The following SAMMSON variants were observed in gnomAD, a reference collection of about 807,000 sequenced individuals.
SAMMSON encodes survival associated mitochondrial melanoma specific oncogenic non-coding RNA.
chr3:70,369,955 T>G (rs1292043926), intron 9 of SAMMSON, among the ~76,000 whole-genome samples: 1 of 151,878 alleles, frequency 6.6e-6, no homozygotes, highest in African/African-American at 2.4e-5. Flanking sequence ...CCAACCTCTC[T>G]TTATCCTTCC....
intron 2 of SAMMSON, among the ~76,000 whole-genome samples, chr3:70,426,055 C>T (rs1355602645): frequency 6.6e-6 from 1 of 152,184 alleles, no homozygotes; most frequent in Admixed American, 6.5e-5. Flanking sequence ...AAAGGTAGCA[C>T]ATGTGATGTT....
chr3:70,418,095 CTCAAGTATT>C (rs1701280176), intron 2 of SAMMSON, among the ~76,000 whole-genome samples: 1 of 152,222 alleles, frequency 6.6e-6, no homozygotes, highest in African/African-American at 2.4e-5. Context: ...GACCACTAAT[CTCAAGTATT>C]TCTGTCTTTG....
chr3:70,334,064 A>T (rs1702645137), intron 7 of SAMMSON, among the ~76,000 whole-genome samples: 1 of 152,200 alleles, frequency 6.6e-6, no homozygotes, highest in Non-Finnish European at 1.5e-5. Flanking sequence ...GTGCCTAGTT[A>T]AGCAGATTGA....
rs2067451154 is a variant in SAMMSON at position 70,125,075 on chromosome 3, C to A, written n.507+53510C>A. Reference sequence around the variant, plus strand: ...AACCTTTATTAATTTTTAACACTTTCTTTTTCCTTCCTTAGGATCTGGTTT... The same window carrying A: ...AACCTTTATTAATTTTTAACACTTTATTTTTCCTTCCTTAGGATCTGGTTT... On this transcript the variant is annotated intron_variant and non_coding_transcript_variant, in intron 4 of 9. Transcript: ENST00000642114. The A allele has an allele frequency of 4.4e-6, 4 of 903,628 alleles. No individual in the cohort carries two copies. The African/African-American group carries it at 6.6e-5, about 15-fold the overall frequency. 56.0% of individuals were successfully genotyped at this position (903,628 alleles called of 1,614,324 possible).
chr3:70,163,757 T>A (rs190079576), intron 4 of SAMMSON, among the ~76,000 whole-genome samples: 2 of 152,152 alleles, frequency 1.3e-5, no homozygotes, highest in African/African-American at 2.4e-5. Flanking sequence ...GAGCAGTGAC[T>A]TAGTAAAACA....
rs142702638 is a variant in SAMMSON at position 70,413,934 on chromosome 3, A to G, written n.234-48626A>G. Among the ~76,000 whole-genome samples the G allele has an allele frequency of 2.5e-3, 374 of 152,196 alleles. 3 individuals carry two copies. Among genetic ancestry groups the G allele is most frequent in the African/African-American group, 8.3e-3 (343 of 41,550 alleles). On this transcript the variant is annotated intron_variant and non_coding_transcript_variant, in intron 2 of 3. Transcript: ENST00000641053. ...TCTAAACAGTGTGCTTGAAGGCTCAATATTGTTTTCTAGCTAGTCCTTTTA... is the reference window on the plus strand; with the variant it reads ...TCTAAACAGTGTGCTTGAAGGCTCAGTATTGTTTTCTAGCTAGTCCTTTTA...
rs542870921 is a variant in SAMMSON, at chr3:70,045,163, AT to A, written n.418-26311del. On this transcript the variant is annotated intron_variant and non_coding_transcript_variant, in intron 3 of 9. Transcript: ENST00000642114. ...AATTTATATATATTAATTATAATAT[AT>A]TATAATTTATATATATCGTTAATTA... 2.5e-3 allele frequency among the ~76,000 whole-genome samples: 293 copies of A among 118,884 alleles called. 13 individuals carry two copies. In the East Asian group the frequency reaches 0.049, roughly 20 times the overall value. 78.0% of individuals were successfully genotyped at this position (118,884 alleles called of 152,430 possible).
chr3:70,226,003 A>G (rs934680654), intron 4 of SAMMSON, among the ~76,000 whole-genome samples: 1 of 152,124 alleles, frequency 6.6e-6, no homozygotes, highest in Non-Finnish European at 1.5e-5. Flanking sequence ...TAATTTTTCA[A>G]TTCCTCTCTA....
At chr3:70,317,072 C>T (rs1702500323) in intron 7 of SAMMSON, among the ~76,000 whole-genome samples, 1 of 151,902 alleles carries the variant, frequency 6.6e-6, no homozygotes, top group African/African-American at 2.4e-5. Context: ...AAATGTTGCT[C>T]CACTTCATGT....
intron 4 of SAMMSON, chr3:70,183,839 G>T (rs539990660): frequency 1.4e-4 from 21 of 152,190 alleles, no homozygotes; most frequent in Non-Finnish European, 2.1e-4. Context: ...TGAGAGCACA[G>T]ATATCTATTT....
intron 4 of SAMMSON, among the ~76,000 whole-genome samples, chr3:70,190,091 C>G (rs1315096070): frequency 6.6e-6 from 1 of 152,178 alleles, no homozygotes; most frequent in Non-Finnish European, 1.5e-5. Flanking sequence ...AGAACTCCCC[C>G]CTCCCCAACC....
At chr3:70,134,389 G>A (rs2067497591) in intron 4 of SAMMSON, among the ~76,000 whole-genome samples, 1 of 149,474 alleles carries the variant, frequency 6.7e-6, no homozygotes, top group African/African-American at 2.5e-5. Flanking sequence ...AAAGTACTCA[G>A]TCTGACCTAT....
At position 70,328,241 on chromosome 3, in the gene SAMMSON, T is replaced by C. The variant is rs535154322; in HGVS notation, n.740-25934T>C. ...GCTACAATTCAAGATGAGATTTGGG[T>C]GGGGACACAGCCCAACCATATCAGT... On this transcript the variant is annotated intron_variant and non_coding_transcript_variant, in intron 7 of 9. Coordinates refer to ENST00000642114, the Ensembl canonical transcript of SAMMSON. 9.2e-5 allele frequency among the ~76,000 whole-genome samples: 14 copies of C among 152,244 alleles called. No homozygotes were observed. In the East Asian group the frequency reaches 2.1e-3, roughly 23 times the overall value.
intron 6 of SAMMSON, among the ~76,000 whole-genome samples, chr3:70,288,956 T>C (rs1702197860): frequency 6.6e-6 from 1 of 152,040 alleles, no homozygotes; most frequent in Non-Finnish European, 1.5e-5. Flanking sequence ...TGTGTGTCTC[T>C]GCACGTGAGA....
chr3:70,037,714 C>T (rs1440043476), intron 3 of SAMMSON, among the ~76,000 whole-genome samples: 1 of 152,164 alleles, frequency 6.6e-6, no homozygotes, highest in African/African-American at 2.4e-5. Flanking sequence ...GCACCTGTGG[C>T]AGACATTACT....
chr3:70,149,645 C>A (rs2067563441), intron 4 of SAMMSON, among the ~76,000 whole-genome samples: 1 of 152,068 alleles, frequency 6.6e-6, no homozygotes, highest in South Asian at 2.1e-4. Flanking sequence ...AACTTTGCTT[C>A]TGATTTATTT....
chr3:70,190,871 C>T (rs1248188560), intron 4 of SAMMSON, among the ~76,000 whole-genome samples: 2 of 152,104 alleles, frequency 1.3e-5, no homozygotes, highest in African/African-American at 4.8e-5. Flanking sequence ...TACTGCCATG[C>T]CCACATTGGC....
intron 4 of SAMMSON, among the ~76,000 whole-genome samples, chr3:70,114,611 G>C (rs1272780890): frequency 6.6e-6 from 1 of 152,160 alleles, no homozygotes; most frequent in Non-Finnish European, 1.5e-5. Context: ...TCGTGCCTCT[G>C]TTTAGTCCAT....
At chr3:70,211,576 TCCC>T (rs1559536116) in intron 4 of SAMMSON, among the ~76,000 whole-genome samples, 1 of 84,188 alleles carries the variant, frequency 1.2e-5, no homozygotes, top group Non-Finnish European at 2.4e-5. Context: ...TCCCTTCCCT[TCCC>T]TTCCTTTCCC....
Sources: gnomAD v4.1 joint callset for allele counts (sites outside exome capture counted in the v4.1 genomes callset) on GRCh38, gnomAD v4.1.1 for gene constraint, MANE v1.5 for transcripts, NCBI Gene and HGNC (gene_info 2026-07-23, HGNC 2026-07-21) for gene names.